The following INTS9 variants were observed in gnomAD, a reference collection of about 807,000 sequenced individuals.
INTS9 encodes the protein integrator complex subunit 9.
INTS9 carries 55 observed loss-of-function variants against 79.7 expected under a neutral mutation model. The ratio of observed to expected loss-of-function variants is 0.69; its 90% confidence interval spans 0.56 to 0.86. The LOEUF is 0.86. Among genes scored for constraint, INTS9 ranks in the 40% least tolerant of loss-of-function variants. The probability of loss-of-function intolerance (pLI) is 0.00; values close to 1 mark genes in which losing one functional copy is unlikely to be tolerated. For missense variants in INTS9, 721 were observed against 831.5 expected (o/e 0.87, Z 1.64); for synonymous variants, 319 against 325.2 (o/e 0.98, Z 0.20).
At chr8:28,775,476 C>T (rs1802811497) in intron 14 of INTS9, among the ~76,000 whole-genome samples, 1 of 152,184 alleles carries the variant, frequency 6.6e-6, no homozygotes, top group Non-Finnish European at 1.5e-5. Context: ...GCTGGGATTA[C>T]AGATGCGTGC....
Position 28,793,930 on chromosome 8 carries a change from A to G in INTS9, c.914T>C (p.Ile305Thr). 6.2e-7 allele frequency: 1 copy of G among 1,614,062 alleles called. No individual in the cohort carries two copies. The highest frequency in any genetic ancestry group is 8.5e-7 in the Non-Finnish European group (1 of 1,179,954). Residue 305 changes from isoleucine to threonine, a missense_variant, in exon 10 of 17, where the codon ATC becomes ACC. Ile to Thr is a moderately conservative substitution (Grantham distance 89, BLOSUM62 -1). Transcript: ENST00000521022. ...ATATAGGCACTCCAGGAGGTCATAG[A>G]TCACTCCAGAAGGGTAGCAGGGAAC... ...VLVPCYPSGV[I>T]YDLLECLYQY...
chr8:28,786,301 A>G (rs1349842213), intron 11 of INTS9, among the ~76,000 whole-genome samples: 1 of 148,266 alleles, frequency 6.7e-6, no homozygotes, highest in Non-Finnish European at 1.5e-5. Flanking sequence ...TTTTTTTTTG[A>G]GACAGGGTCT....
At chr8:28,847,892 T>A (rs1807616129) in intron 3 of INTS9, among the ~76,000 whole-genome samples, 1 of 152,204 alleles carries the variant, frequency 6.6e-6, no homozygotes, top group Non-Finnish European at 1.5e-5. Context: ...CTCTGAGTTA[T>A]CCCACTGAGG....
chr8:28,776,862 G>A (rs542487615), intron 13 of INTS9, among the ~76,000 whole-genome samples: 44 of 152,076 alleles, frequency 2.9e-4, no homozygotes, highest in Non-Finnish European at 5.4e-4. Flanking sequence ...TTAGGGACTG[G>A]GATTTGAAGT....
chr8:28,793,110 G>C (rs1196072327), intron 10 of INTS9, among the ~76,000 whole-genome samples: 1 of 152,124 alleles, frequency 6.6e-6, no homozygotes, highest in Non-Finnish European at 1.5e-5. Flanking sequence ...TAGAAACTCA[G>C]TACATGCTGT....
intron 8 of INTS9, among the ~76,000 whole-genome samples, chr8:28,801,544 T>C (rs887935651): frequency 6.6e-6 from 1 of 151,972 alleles, no homozygotes; most frequent in African/African-American, 2.4e-5. Context: ...AAAACCTTGA[T>C]ACAAGAAATC....
At chr8:28,839,541 T>C (rs1807032764) in intron 4 of INTS9, among the ~76,000 whole-genome samples, 1 of 152,062 alleles carries the variant, frequency 6.6e-6, no homozygotes, top group Non-Finnish European at 1.5e-5. Flanking sequence ...CTTCAAACTA[T>C]CCTACAAGGC....
At chr8:28,856,132 T>C (rs1157515909) in intron 2 of INTS9, among the ~76,000 whole-genome samples, 3 of 152,304 alleles carry the variant, frequency 2.0e-5, no homozygotes, top group African/African-American at 7.2e-5. Flanking sequence ...GCTTTAGTAA[T>C]GATACCTATA....
At chr8:28,859,723 CT>C (rs1585489843) in intron 1 of INTS9, 160 bp from the exon 2 acceptor site, 2 of 774,348 alleles carry the variant, frequency 2.6e-6, no homozygotes, top group Admixed American at 2.0e-5. Flanking sequence ...TTGGGGACTA[CT>C]TTCCCTAGCC....
intron 6 of INTS9, among the ~76,000 whole-genome samples, chr8:28,830,269 C>T (rs1395636417): frequency 6.6e-6 from 1 of 152,118 alleles, no homozygotes; most frequent in Non-Finnish European, 1.5e-5. Flanking sequence ...ACTTTTAGAA[C>T]TCTGGTCCAA....
intron 6 of INTS9, among the ~76,000 whole-genome samples, chr8:28,819,583 A>G (rs1476200254): frequency 2.0e-5 from 3 of 152,232 alleles, no homozygotes; most frequent in Non-Finnish European, 4.4e-5. Flanking sequence ...GTATGTGGTC[A>G]ATTTTCGAAT....
chr8:28,889,955 C>T lies in INTS9; in HGVS notation c.-73G>A, dbSNP rs892743604. On this transcript the variant is annotated 5_prime_UTR_variant, in exon 1 of 17. Coordinates refer to ENST00000521022, the MANE Select transcript of INTS9 (RefSeq NM_018250.4). ...AGGAAGCGTCTTCCGGTGCAATCTC[C>T]GCCACCTGCCAGCCGAGAGCATCGC... 2 of 1,248,990 alleles carry T rather than the reference C, an allele frequency of 1.6e-6. No individual in the cohort carries two copies. The highest frequency in any genetic ancestry group is 1.8e-5 in the Admixed American group (1 of 56,564). 77.4% of individuals were successfully genotyped at this position (1,248,990 alleles called of 1,614,324 possible).
intron 11 of INTS9, among the ~76,000 whole-genome samples, chr8:28,786,862 C>G (rs942276169): frequency 1.2e-4 from 19 of 152,124 alleles, no homozygotes; most frequent in Admixed American, 1.0e-3. Context: ...TGACTACAGG[C>G]ACCCGCCACC....
chr8:28,883,519 C>T (rs1810007952), intron 1 of INTS9, among the ~76,000 whole-genome samples: 1 of 152,194 alleles, frequency 6.6e-6, no homozygotes, highest in African/African-American at 2.4e-5. Flanking sequence ...ACTACCTGTA[C>T]AATGGAAAAC....
chr8:28,813,370 G>A (rs1805273829), intron 7 of INTS9, 122 bp downstream of exon 7: 1 of 950,334 alleles, frequency 1.1e-6, no homozygotes, highest in East Asian at 2.4e-5. Flanking sequence ...AAAGAACAGA[G>A]GCTCTGGATC....
intron 14 of INTS9, among the ~76,000 whole-genome samples, chr8:28,774,838 A>G (rs767934389): frequency 7.9e-5 from 12 of 152,206 alleles, no homozygotes; most frequent in Non-Finnish European, 1.6e-4. Context: ...CTTTCAGGAG[A>G]GGCCGCGTCC....
chr8:28,808,827 C>T (rs1804954396), intron 8 of INTS9, among the ~76,000 whole-genome samples: 1 of 152,184 alleles, frequency 6.6e-6, no homozygotes, highest in Middle Eastern at 3.2e-3. Context: ...GCCTTATTTC[C>T]CCATGTTTAT....
rs372391267 is a variant in INTS9 at position 28,796,626 on chromosome 8, G to A, written c.774C>T (p.Ser258=). 6.8e-6 allele frequency: 11 copies of A among 1,613,546 alleles called. No individual in the cohort carries two copies. Among genetic ancestry groups the A allele is most frequent in the African/African-American group, 2.7e-5 (2 of 74,912 alleles). Residue 258 remains serine (S), a synonymous_variant, in exon 9 of 17, where the codon AGC becomes AGT. Transcript: ENST00000521022. ...QPMDQASLKN[S]DVLVLTGLTQ... is the part of the protein sequence containing the mutation. ...TAAGCCCTGTCAGAACAAGAACATC[G>A]CTGTTTTTGAGAGAAGCTTGGTCCA...
At chr8:28,805,925 A>T (rs1804780112) in intron 8 of INTS9, among the ~76,000 whole-genome samples, 1 of 152,028 alleles carries the variant, frequency 6.6e-6, no homozygotes, top group Non-Finnish European at 1.5e-5. Flanking sequence ...ACCAAGAGAC[A>T]CTAGATTAAA....
Sources: gnomAD v4.1 joint callset for allele counts (sites outside exome capture counted in the v4.1 genomes callset) on GRCh38, gnomAD v4.1.1 for gene constraint, MANE v1.5 for transcripts, NCBI Gene and HGNC (gene_info 2026-07-23, HGNC 2026-07-21) for gene names.